RIPOR2: variants seen among roughly 807,000 people sequenced by gnomAD.
RIPOR2 encodes the protein rho family-interacting cell polarization regulator 2.
In RIPOR2, 39 loss-of-function variants were observed where a neutral mutation model predicts 114.5. The ratio of observed to expected loss-of-function variants is 0.34; its 90% CI spans 0.26 to 0.44. RIPOR2 has a LOEUF of 0.44. RIPOR2 is among the 20% of genes least tolerant of loss of function. RIPOR2 has a pLI of 1.00. For missense variants in RIPOR2, 1,007 were observed against 1,255.1 expected, an observed-to-expected ratio of 0.80 and a Z score of 2.99; for synonymous variants, 445 against 484.4, an observed-to-expected ratio of 0.92 and a Z score of 1.07.
In RIPOR2 at chr6:24,832,385, C is replaced by A; in HGVS notation, c.2215G>T (p.Val739Phe). 6.4e-7 allele frequency: 1 copy of A among 1,552,014 alleles called. No homozygotes were observed. The highest frequency in any genetic ancestry group is 8.7e-7 in the Non-Finnish European group (1 of 1,147,016). Residue 739 changes from valine to phenylalanine, a missense_variant, in exon 16 of 22, where the codon GTT (valine) becomes TTT (phenylalanine). Transcript: ENST00000643898. ...QYCTQLVQQI[V>F]FSSKTPFVAR... is the part of the protein sequence containing the mutation. ...ACAAATGGGGTTTTGCTTGAGAAAA[C>A]AATTTGCTGGTAAAACAAACAAAAC...
intron 1 of RIPOR2, among the ~76,000 whole-genome samples, chr6:24,948,962 C>G (rs1666888484): frequency 6.6e-6 from 1 of 152,208 alleles, no homozygotes; most frequent in Admixed American, 6.5e-5. Context: ...CTCTCCAACC[C>G]TCTCCCTCTT....
chr6:24,830,922 G>A lies in RIPOR2; in HGVS notation c.2345-252C>T, dbSNP rs1178114900. 2.6e-5 allele frequency among the ~76,000 whole-genome samples: 4 copies of A among 152,044 alleles called. No individual in the cohort carries two copies. The East Asian group carries it at 7.7e-4, about 29-fold the overall frequency. ...GTAGAGATGAGGTATTACCATGTTG[G>A]TCAGGCTGGTCTCGAACTCCTGTCC... is the stretch of plus-strand genomic sequence containing the variant. On this transcript the variant is annotated intron_variant, in intron 16 of 21. Transcript: ENST00000643898.
intron 19 of RIPOR2, 25 bp from the exon 20 acceptor site, chr6:24,818,650 G>T: frequency 6.7e-7 from 1 of 1,495,660 alleles, no homozygotes; most frequent in Non-Finnish European, 9.1e-7. Context: ...GGGACCTCAT[G>T]AAGGCATTTT....
Position 24,860,977 on chromosome 6 carries a change from C to A in RIPOR2, c.711G>T (p.Met237Ile). The A allele has an allele frequency of 6.3e-7, 1 of 1,596,744 alleles. No homozygotes were observed. The highest frequency in any genetic ancestry group is 2.2e-5 in the East Asian group (1 of 44,718). The change falls in exon 8 of 22, where the codon ATG becomes ATT. Residue 237 changes from methionine (M) to isoleucine (I), a missense_variant. Coordinates refer to ENST00000643898, the MANE Select transcript of RIPOR2 (RefSeq NM_001286445.3). ...TCTAAACAAGGAAAATAATACCTTT[C>A]ATCTTGATGGAGAATTCTCCCAGCA... ...ENLLGEFSIK[M>I]KGLAGFARLC...
At chr6:25,042,088 C>T (rs2113786759), upstream of RIPOR2, 1 of 528,954 alleles carries the variant, frequency 1.9e-6, no homozygotes, top group Non-Finnish European at 3.3e-6. Flanking sequence ...TTTGAGGCTT[C>T]CGTTGACTTC....
intron 1 of RIPOR2, among the ~76,000 whole-genome samples, chr6:25,025,262 A>AT: frequency 6.6e-6 from 1 of 152,296 alleles, no homozygotes; most frequent in East Asian, 1.9e-4. Context: ...GAAAAAGGTA[A>AT]TTTAGAAGCT....
chr6:25,019,162 T>C (rs1169254867), intron 1 of RIPOR2, among the ~76,000 whole-genome samples: 1 of 152,230 alleles, frequency 6.6e-6, no homozygotes, highest in Non-Finnish European at 1.5e-5. Flanking sequence ...TTATATTTGA[T>C]GTATTTTAAT....
At chr6:24,843,884 A>G (rs909783303) in intron 12 of RIPOR2, among the ~76,000 whole-genome samples, 29 of 152,222 alleles carry the variant, frequency 1.9e-4, no homozygotes, top group Admixed American at 1.2e-3. Flanking sequence ...TCTGAATTCC[A>G]AGAGCTCATA....
chr6:24,920,107 T>TA (rs1247316126), intron 1 of RIPOR2, among the ~76,000 whole-genome samples: 35 of 152,228 alleles, frequency 2.3e-4, no homozygotes, highest in Non-Finnish European at 1.5e-5. Flanking sequence ...GCCTACTAGC[T>TA]ATTGACTGTT....
At chr6:24,977,242 A>G (rs900712186) in intron 1 of RIPOR2, among the ~76,000 whole-genome samples, 3 of 152,106 alleles carry the variant, frequency 2.0e-5, no homozygotes, top group African/African-American at 7.2e-5. Flanking sequence ...AATGACACCA[A>G]TTTTGTGGCA....
At chr6:24,875,948 A>G (rs1443894278) in intron 1 of RIPOR2, 131 bp from the exon 2 acceptor site, 2 of 825,920 alleles carry the variant, frequency 2.4e-6, no homozygotes, top group Admixed American at 5.3e-5. Flanking sequence ...GTTCTTTATT[A>G]TGGAGTGTCC....
At chr6:24,808,445 CTT>C (rs1167577177) in intron 21 of RIPOR2, among the ~76,000 whole-genome samples, 2 of 152,110 alleles carry the variant, frequency 1.3e-5, no homozygotes, top group Non-Finnish European at 2.9e-5. Context: ...TAAGGAATAA[CTT>C]TTATTCTTTA....
intron 10 of RIPOR2, 98 bp from the exon 11 acceptor site, chr6:24,850,048 C>A: frequency 2.3e-6 from 2 of 874,338 alleles, no homozygotes; most frequent in Non-Finnish European, 3.4e-6. Context: ...TTGGTCATTT[C>A]TTTCAGAATC....
chr6:24,979,283 C>CTTTTTTT (rs60372040), intron 1 of RIPOR2, among the ~76,000 whole-genome samples: 17 of 99,432 alleles, frequency 1.7e-4, no homozygotes, highest in Non-Finnish European at 2.2e-4. Context: ...TAGGGAAATT[C>CTTTTTTT]TTTTTTTTTT....
At chr6:24,930,231 CT>C (rs1771277810) in intron 1 of RIPOR2, among the ~76,000 whole-genome samples, 1 of 152,266 alleles carries the variant, frequency 6.6e-6, no homozygotes, top group South Asian at 2.1e-4. Flanking sequence ...CTACACATTT[CT>C]TTTTCTTTGT....
chr6:24,849,048 GTGCCTGCCACAA>G (rs1420693854), intron 11 of RIPOR2, among the ~76,000 whole-genome samples: 1 of 152,118 alleles, frequency 6.6e-6, no homozygotes, highest in Non-Finnish European at 1.5e-5. Flanking sequence ...GGCATTACAG[GTGCCTGCCACAA>G]TGCCCAGCTA....
At chr6:24,832,423 T>C (rs1562231456) in intron 15 of RIPOR2, 32 bp from the exon 16 acceptor site, 4 of 1,549,766 alleles carry the variant, frequency 2.6e-6, no homozygotes, top group Non-Finnish European at 3.5e-6. Flanking sequence ...CTGTTTCAAT[T>C]ATGTTGTTTT....
intron 1 of RIPOR2, among the ~76,000 whole-genome samples, chr6:24,986,762 T>A (rs571367442): frequency 6.6e-6 from 1 of 151,812 alleles, no homozygotes. Flanking sequence ...TGGAGAGGAG[T>A]TGAGAAGATT....
intron 1 of RIPOR2, among the ~76,000 whole-genome samples, chr6:24,942,154 A>G (rs1174718596): frequency 6.6e-6 from 1 of 152,238 alleles, no homozygotes; most frequent in East Asian, 1.9e-4. Flanking sequence ...GCAAAATAAG[A>G]GACAATATAA....
Sources: gnomAD v4.1 joint callset for allele counts (sites outside exome capture counted in the v4.1 genomes callset) on GRCh38, gnomAD v4.1.1 for gene constraint, MANE v1.5 for transcripts, NCBI Gene and HGNC (gene_info 2026-07-23, HGNC 2026-07-21) for gene names.